The following RAB38 variants were observed in gnomAD, a reference collection of about 807,000 sequenced individuals.
RAB38 encodes the protein ras-related protein Rab-38.
A neutral mutation model predicts 18.4 loss-of-function variants in RAB38; 15 were observed. The observed-to-expected ratio is 0.82, with a 90% CI of 0.55 to 1.26. The LOEUF is 1.26. RAB38 is among the 50% of genes most tolerant of loss of function. The probability of loss-of-function intolerance (pLI) is 0.00; values close to 1 mark genes in which losing one functional copy is unlikely to be tolerated. For synonymous variants in RAB38, 101 were observed against 104.4 expected, an observed-to-expected ratio of 0.97 and a Z score of 0.20; for missense variants, 294 against 267.4, an observed-to-expected ratio of 1.10 and a Z score of -0.69.
At chr11:87,976,189 T>G in the RAB38 span, among the ~76,000 whole-genome samples, 451 of 147,516 alleles carry the variant, frequency 3.1e-3, 4 homozygotes, top group African/African-American at 0.011. Context: ...TATAGGTATA[T>G]TTATATATAC....
chr11:88,150,334 T>C (rs976774185), intron 1 of RAB38, among the ~76,000 whole-genome samples: 31 of 152,226 alleles, frequency 2.0e-4, no homozygotes, highest in Non-Finnish European at 5.9e-5. Context: ...TAACTGCATG[T>C]CGCTAGTGCC....
At chr11:88,054,035 A>C in the RAB38 span, among the ~76,000 whole-genome samples, 2 of 152,142 alleles carry the variant, frequency 1.3e-5, no homozygotes, top group Non-Finnish European at 2.9e-5. Context: ...ACCTGCCTTG[A>C]TCTCATGTTC....
intron 2 of RAB38, among the ~76,000 whole-genome samples, chr11:88,114,950 AT>A (rs1942528518): frequency 6.6e-6 from 1 of 152,358 alleles, no homozygotes; most frequent in East Asian, 1.9e-4. Context: ...CCAGATGGAT[AT>A]AACTCCTCAA....
chr11:87,812,654 T>TG, the RAB38 span, among the ~76,000 whole-genome samples: 1 of 152,210 alleles, frequency 6.6e-6, no homozygotes, highest in African/African-American at 2.4e-5. Context: ...TTACTGGTCT[T>TG]GCAGAGGTCC....
the RAB38 span, among the ~76,000 whole-genome samples, chr11:87,975,522 T>C: frequency 1.3e-5 from 2 of 151,862 alleles, no homozygotes; most frequent in Non-Finnish European, 2.9e-5. Context: ...ACATGGTAAA[T>C]ATACGGGTAA....
At chr11:87,972,384 G>A in the RAB38 span, among the ~76,000 whole-genome samples, 1 of 152,020 alleles carries the variant, frequency 6.6e-6, no homozygotes, top group Non-Finnish European at 1.5e-5. Context: ...AAACAGTGGG[G>A]ATAATCAGAA....
chr11:88,004,231 A>G, the RAB38 span, among the ~76,000 whole-genome samples: 2 of 150,430 alleles, frequency 1.3e-5, no homozygotes, highest in African/African-American at 4.8e-5. Flanking sequence ...TACAGATTTA[A>G]AAAGTCTTTA....
intron 2 of RAB38, among the ~76,000 whole-genome samples, chr11:88,127,028 A>G (rs1225531842): frequency 1.3e-5 from 2 of 152,326 alleles, no homozygotes; most frequent in East Asian, 1.9e-4. Flanking sequence ...GATATTTCCA[A>G]GTGGGTTCTG....
downstream of RAB38, among the ~76,000 whole-genome samples, chr11:88,110,752 G>A (rs1034524992): frequency 2.6e-5 from 4 of 151,366 alleles, no homozygotes; most frequent in African/African-American, 9.7e-5. Context: ...GGGAGGTGGA[G>A]GTTTCAGTGA....
the RAB38 span, among the ~76,000 whole-genome samples, chr11:88,073,282 A>T: frequency 6.6e-6 from 1 of 152,194 alleles, no homozygotes; most frequent in East Asian, 1.9e-4. Context: ...ATCGAAGTGG[A>T]TGTTCAACAG....
chr11:87,967,583 TAA>T, the RAB38 span, among the ~76,000 whole-genome samples: 14 of 152,114 alleles, frequency 9.2e-5, no homozygotes, highest in African/African-American at 3.4e-4. Flanking sequence ...TGCAATACAT[TAA>T]GAGAACAAAA....
the RAB38 span, among the ~76,000 whole-genome samples, chr11:87,935,079 C>G: frequency 6.6e-6 from 1 of 152,028 alleles, no homozygotes; most frequent in African/African-American, 2.4e-5. Context: ...TTCTTGTCTT[C>G]CAGTCTCCTT....
the RAB38 span, among the ~76,000 whole-genome samples, chr11:87,913,393 G>C: frequency 3.3e-5 from 5 of 152,176 alleles, no homozygotes; most frequent in East Asian, 9.7e-4. Flanking sequence ...CTGTTATTAG[G>C]TGTAGAAATA....
chr11:87,811,293 C>T, the RAB38 span, among the ~76,000 whole-genome samples: 6 of 152,310 alleles, frequency 3.9e-5, no homozygotes, highest in African/African-American at 1.4e-4. Context: ...ATTCAGTTAA[C>T]ACTAAAATGT....
the RAB38 span, among the ~76,000 whole-genome samples, chr11:87,809,418 G>A: frequency 4.6e-5 from 7 of 152,224 alleles, no homozygotes; most frequent in Non-Finnish European, 8.8e-5. Context: ...TGCCAGGGCT[G>A]CAACCTGTGG....
the RAB38 span, among the ~76,000 whole-genome samples, chr11:88,053,159 T>C: frequency 2.7e-5 from 3 of 111,950 alleles, no homozygotes; most frequent in African/African-American, 6.8e-5. Flanking sequence ...AATATATATA[T>C]ACACACATAT....
chr11:88,065,168 T>C, the RAB38 span, among the ~76,000 whole-genome samples: 1 of 152,348 alleles, frequency 6.6e-6, no homozygotes, highest in Admixed American at 6.5e-5. Flanking sequence ...TCTAGCTCCA[T>C]GTGTGACACT....
chr11:87,930,382 C>G, the RAB38 span, among the ~76,000 whole-genome samples: 1 of 152,192 alleles, frequency 6.6e-6, no homozygotes, highest in African/African-American at 2.4e-5. Context: ...AGTGTCTGTT[C>G]ATATCCTTCG....
At chr11:88,133,201 C>T (rs1473360430) in intron 2 of RAB38, among the ~76,000 whole-genome samples, 1 of 152,098 alleles carries the variant, frequency 6.6e-6, no homozygotes, top group Non-Finnish European at 1.5e-5. Context: ...AAAGCCAATT[C>T]ACTTGAACAA....
Sources: gnomAD v4.1 joint callset for allele counts (sites outside exome capture counted in the v4.1 genomes callset) on GRCh38, gnomAD v4.1.1 for gene constraint, MANE v1.5 for transcripts, NCBI Gene and HGNC (gene_info 2026-07-23, HGNC 2026-07-21) for gene names.